TRAK1: variants seen among roughly 807,000 people sequenced by gnomAD.
The protein encoded by TRAK1 is trafficking kinesin protein 1.
Under a neutral mutation model 92.1 loss-of-function variants are expected in TRAK1, and 33 were observed. The observed-to-expected ratio is 0.36, with a 90% CI of 0.27 to 0.48. The LOEUF is 0.48. Among genes scored for constraint, TRAK1 ranks in the 20% least tolerant of loss-of-function variants. TRAK1 has a pLI of 0.99. For missense variants in TRAK1, 1,123 were observed against 1,257.9 expected (o/e 0.89, Z 1.62); for synonymous variants, 521 against 517.3 (o/e 1.01, Z -0.10).
At chr3:42,015,296 G>A (rs1335434892) in intron 1 of TRAK1, among the ~76,000 whole-genome samples, 1 of 152,194 alleles carries the variant, frequency 6.6e-6, no homozygotes, top group Admixed American at 6.5e-5. Flanking sequence ...ATGCTGAATC[G>A]GTTTAAAGCC....
chr3:42,141,583 G>C (rs1242635696), intron 2 of TRAK1, among the ~76,000 whole-genome samples: 1 of 152,194 alleles, frequency 6.6e-6, no homozygotes, highest in Non-Finnish European at 1.5e-5. Flanking sequence ...GAGGTCCAAA[G>C]TCAAGGTGTT....
At chr3:42,083,566 A>G (rs1165221504), upstream of TRAK1, among the ~76,000 whole-genome samples, 6 of 152,162 alleles carry the variant, frequency 3.9e-5, no homozygotes, top group Non-Finnish European at 8.8e-5. Context: ...TTATGTGACT[A>G]TCTTTCACTT....
At chr3:42,138,181 A>G (rs980965205) in intron 2 of TRAK1, among the ~76,000 whole-genome samples, 1 of 152,162 alleles carries the variant, frequency 6.6e-6, no homozygotes, top group Non-Finnish European at 1.5e-5. Flanking sequence ...TATTCTCAGA[A>G]CCCTATAGAC....
intron 1 of TRAK1, among the ~76,000 whole-genome samples, chr3:42,103,041 G>A (rs1707026954): frequency 6.6e-6 from 1 of 152,166 alleles, no homozygotes; most frequent in African/African-American, 2.4e-5. Flanking sequence ...TCGTGGGGTT[G>A]TGCAATTATC....
chr3:42,211,954 G>T (rs1377830416), intron 14 of TRAK1: 1 of 985,228 alleles, frequency 1.0e-6, no homozygotes, highest in African/African-American at 1.7e-5. Flanking sequence ...ATTTAGGAAG[G>T]GTCTGATCAT....
Position 42,219,476 on chromosome 3 carries a change from T to C in TRAK1, c.1964-18T>C, listed in dbSNP as rs1183997171. The C allele has an allele frequency of 3.7e-6, 6 of 1,614,022 alleles. No homozygotes were observed. The highest frequency in any genetic ancestry group is 8.5e-7 in the Non-Finnish European group (1 of 1,179,970). ...TGTACTTGGATGCAAGGAATATGTT[T>C]TGTTCCTCCCAATTTAGCGCACCAT... On this transcript the variant is annotated intron_variant, in intron 14 of 15. Transcript: ENST00000327628.
intron 4 of TRAK1, among the ~76,000 whole-genome samples, chr3:42,186,796 C>A (rs536224855): frequency 6.6e-6 from 1 of 152,246 alleles, no homozygotes; most frequent in African/African-American, 2.4e-5. Flanking sequence ...ATGAATGTTT[C>A]CCTTTGGCAT....
chr3:42,088,140 T>G (rs1328692054), upstream of TRAK1, among the ~76,000 whole-genome samples: 1 of 152,132 alleles, frequency 6.6e-6, no homozygotes, highest in African/African-American at 2.4e-5. Flanking sequence ...TTGTCTGCAG[T>G]GTTTGCTTTT....
At chr3:42,151,778 A>G (rs1236480347) in intron 2 of TRAK1, among the ~76,000 whole-genome samples, 1 of 152,230 alleles carries the variant, frequency 6.6e-6, no homozygotes, top group Non-Finnish European at 1.5e-5. Flanking sequence ...CCCTGTTTAT[A>G]TGTACCTGTC....
chr3:42,184,380 T>C (rs1254833705), intron 3 of TRAK1, among the ~76,000 whole-genome samples: 9 of 152,220 alleles, frequency 5.9e-5, no homozygotes, highest in Non-Finnish European at 1.2e-4. Context: ...TGCACAAATA[T>C]CAAAAGCAGT....
chr3:42,211,596 C>G (rs1245421770), intron 14 of TRAK1: 1 of 985,260 alleles, frequency 1.0e-6, no homozygotes, highest in Non-Finnish European at 1.2e-6. Flanking sequence ...TGCTCCCCTA[C>G]AGCCTTACAG....
upstream of TRAK1, among the ~76,000 whole-genome samples, chr3:42,087,874 T>G (rs1704759910): frequency 6.6e-6 from 1 of 151,994 alleles, no homozygotes; most frequent in Non-Finnish European, 1.5e-5. Context: ...CAGACATGGA[T>G]TTTTACAGAT....
chr3:42,217,275 T>C, intron 14 of TRAK1: 1 of 985,326 alleles, frequency 1.0e-6, no homozygotes. Context: ...TGGCAGTCAG[T>C]GGTGACATGC....
At chr3:42,097,712 G>A (rs970570983) in intron 1 of TRAK1, among the ~76,000 whole-genome samples, 1 of 152,168 alleles carries the variant, frequency 6.6e-6, no homozygotes, top group African/African-American at 2.4e-5. Flanking sequence ...TGGTAGGCTT[G>A]GATTTCGAAT....
intron 11 of TRAK1, among the ~76,000 whole-genome samples, chr3:42,199,547 C>G (rs1003449716): frequency 6.6e-6 from 1 of 152,210 alleles, no homozygotes; most frequent in Non-Finnish European, 1.5e-5. Flanking sequence ...CCTCGAACTC[C>G]TAGGCTCAAG....
intron 1 of TRAK1, among the ~76,000 whole-genome samples, chr3:42,105,062 C>T (rs1358261272): frequency 6.6e-6 from 1 of 151,834 alleles, no homozygotes; most frequent in Non-Finnish European, 1.5e-5. Flanking sequence ...AGTGAGTCTC[C>T]TGCCTCAGCC....
chr3:42,160,174 A>C (rs763263485), intron 2 of TRAK1: 2 of 1,148,046 alleles, frequency 1.7e-6, no homozygotes, highest in Non-Finnish European at 1.1e-6. Flanking sequence ...TGCCCGGGTG[A>C]TGCTGGGCCA....
intron 1 of TRAK1, among the ~76,000 whole-genome samples, chr3:42,107,283 AGGCG>A (rs1707695910): frequency 1.3e-5 from 2 of 152,218 alleles, no homozygotes; most frequent in Admixed American, 1.3e-4. Context: ...TGGGAGGCCA[AGGCG>A]GGCGGATCAT....
chr3:42,034,649 T>C (rs1702261521), intron 1 of TRAK1, among the ~76,000 whole-genome samples: 1 of 152,178 alleles, frequency 6.6e-6, no homozygotes, highest in Non-Finnish European at 1.5e-5. Context: ...TTCTAGACTT[T>C]CCGTGTCTTT....
Sources: allele counts gnomAD v4.1 joint callset (sites outside exome capture counted in the v4.1 genomes callset), GRCh38; gene constraint gnomAD v4.1.1; transcripts MANE v1.5; gene names NCBI Gene and HGNC (gene_info 2026-07-23, HGNC 2026-07-21).